The following PLEKHA5 variants were observed in gnomAD, a reference collection of about 807,000 sequenced individuals.
PLEKHA5 encodes pleckstrin homology domain-containing family A member 5.
In PLEKHA5, 55 loss-of-function variants were observed where a neutral mutation model predicts 181.9. That is an observed-to-expected ratio of 0.30 (90% CI 0.24 to 0.38). The LOEUF is 0.38. Among genes scored for constraint, PLEKHA5 ranks in the 10% least tolerant of loss-of-function variants. The pLI is 1.00. For synonymous variants in PLEKHA5, 535 were observed against 529.4 expected (o/e 1.01, Z -0.15); for missense variants, 1,432 against 1,549.5 (o/e 0.92, Z 1.27).
At chr12:19,287,585 T>C (rs1283798513) in intron 13 of PLEKHA5, 29 bp downstream of exon 13, 2 of 1,228,588 alleles carry the variant, frequency 1.6e-6, no homozygotes, top group Admixed American at 3.7e-5. Context: ...TACCATACCA[T>C]GTTTTATTTA....
At chr12:19,272,974 T>A (rs2073427542) in intron 10 of PLEKHA5, among the ~76,000 whole-genome samples, 2 of 152,188 alleles carry the variant, frequency 1.3e-5, no homozygotes, top group Admixed American at 1.3e-4. Context: ...TGGCACGATC[T>A]CAGCTCACTC....
intron 22 of PLEKHA5, among the ~76,000 whole-genome samples, chr12:19,345,256 C>G (rs1302149634): frequency 6.6e-6 from 1 of 151,490 alleles, no homozygotes; most frequent in Non-Finnish European, 1.5e-5. Flanking sequence ...AAAAATTAGC[C>G]ATGCATGGTG....
chr12:19,350,126 CAGAT>C (rs750734189), intron 25 of PLEKHA5, among the ~76,000 whole-genome samples: 3 of 152,186 alleles, frequency 2.0e-5, no homozygotes, highest in South Asian at 4.1e-4. Flanking sequence ...AAAAAAATAA[CAGAT>C]AGATATATCG....
intron 3 of PLEKHA5, among the ~76,000 whole-genome samples, chr12:19,166,988 C>T (rs2044545657): frequency 6.6e-6 from 1 of 152,162 alleles, no homozygotes; most frequent in Non-Finnish European, 1.5e-5. Context: ...AACATATATT[C>T]GAGACAGATG....
chr12:19,296,674 C>T (rs574767308), intron 15 of PLEKHA5, among the ~76,000 whole-genome samples: 4 of 152,046 alleles, frequency 2.6e-5, no homozygotes, highest in African/African-American at 7.2e-5. Flanking sequence ...ACTAGATCTA[C>T]GCTAGTTTCT....
intron 15 of PLEKHA5, among the ~76,000 whole-genome samples, chr12:19,298,749 C>T (rs1032706292): frequency 3.3e-5 from 5 of 152,188 alleles, no homozygotes; most frequent in South Asian, 2.1e-4. Context: ...AAAAATGGTT[C>T]AGAATATCAG....
intron 10 of PLEKHA5, among the ~76,000 whole-genome samples, chr12:19,271,231 C>G (rs1474868817): frequency 6.6e-6 from 1 of 152,146 alleles, no homozygotes; most frequent in Non-Finnish European, 1.5e-5. Flanking sequence ...AATCTTCAGG[C>G]TGAGCATGGT....
chr12:19,254,018 T>C lies in PLEKHA5; in HGVS notation c.306T>C (p.Asn102=). Reference sequence around the variant, plus strand: ...AGGACAATTGTATTTTTGTAGTGAATGAACAGTAAGTAAAGAGTTTCATGG... The same window carrying C: ...AGGACAATTGTATTTTTGTAGTGAACGAACAGTAAGTAAAGAGTTTCATGG... ...PSQDNCIFVV[N]EQTVATMTSE... Residue 102 remains asparagine, a synonymous_variant, in exon 4 of 32, where the codon AAT becomes AAC. Coordinates refer to ENST00000429027, the MANE Select transcript of PLEKHA5 (RefSeq NM_001256470.2). 6.3e-7 allele frequency: 1 copy of C among 1,581,088 alleles called. No individual in the cohort carries two copies. Among genetic ancestry groups the C allele is most frequent in the Non-Finnish European group, 8.7e-7 (1 of 1,154,246 alleles).
chr12:19,216,243 TAGGC>T (rs1284715933), intron 3 of PLEKHA5, among the ~76,000 whole-genome samples: 3 of 152,208 alleles, frequency 2.0e-5, no homozygotes, highest in African/African-American at 7.2e-5. Context: ...TGCAGCTAAA[TAGGC>T]AGGCTTCCTT....
At chr12:19,262,835 T>C (rs4963548) in intron 7 of PLEKHA5, among the ~76,000 whole-genome samples, 131,180 of 152,052 alleles carry the variant, frequency 0.86, 58,083 homozygotes, top group Middle Eastern at 0.97. Context: ...AATTTACCTT[T>C]GTAACAAATC....
At chr12:19,343,228 A>G in intron 21 of PLEKHA5, 95 bp from the exon 22 acceptor site, 1 of 661,044 alleles carries the variant, frequency 1.5e-6, no homozygotes, top group Non-Finnish European at 2.5e-6. Context: ...TGCAATTTGC[A>G]TTTTTAGATG....
intron 3 of PLEKHA5, among the ~76,000 whole-genome samples, chr12:19,159,240 T>C (rs1173743474): frequency 6.6e-6 from 1 of 152,206 alleles, no homozygotes; most frequent in Non-Finnish European, 1.5e-5. Flanking sequence ...AGCAAACAGC[T>C]GTGCATTCCA....
intron 3 of PLEKHA5, among the ~76,000 whole-genome samples, chr12:19,155,328 G>A (rs1263622408): frequency 6.6e-6 from 1 of 152,184 alleles, no homozygotes; most frequent in Non-Finnish European, 1.5e-5. Flanking sequence ...ATATGCTTCT[G>A]AATCATGAAC....
intron 3 of PLEKHA5, among the ~76,000 whole-genome samples, chr12:19,218,019 C>T (rs1164602056): frequency 6.6e-6 from 1 of 152,160 alleles, no homozygotes; most frequent in East Asian, 1.9e-4. Flanking sequence ...GGATGACTGC[C>T]TCAAGATTGT....
intron 28 of PLEKHA5, among the ~76,000 whole-genome samples, chr12:19,361,090 C>G (rs566286620): frequency 1.4e-3 from 219 of 151,942 alleles, no homozygotes; most frequent in Non-Finnish European, 2.4e-3. Context: ...TTTTTGCATC[C>G]TAGTAGTAAA....
chr12:19,277,158 G>A (rs1435774622), intron 11 of PLEKHA5, among the ~76,000 whole-genome samples: 2 of 151,804 alleles, frequency 1.3e-5, no homozygotes, highest in Non-Finnish European at 2.9e-5. Flanking sequence ...GGTCTGGGGG[G>A]AAAAAAATGA....
At chr12:19,348,719 C>T (rs1045400876) in intron 25 of PLEKHA5, among the ~76,000 whole-genome samples, 200 bp downstream of exon 25, 10 of 152,152 alleles carry the variant, frequency 6.6e-5, no homozygotes, top group African/African-American at 2.2e-4. Context: ...TGATATATGT[C>T]ATCTCAGCTA....
At chr12:19,181,607 TC>T (rs1392959183) in intron 3 of PLEKHA5, among the ~76,000 whole-genome samples, 1 of 152,146 alleles carries the variant, frequency 6.6e-6, no homozygotes, top group East Asian at 1.9e-4. Flanking sequence ...AAACCCCGTC[TC>T]TACTAAAAAT....
intron 3 of PLEKHA5, among the ~76,000 whole-genome samples, chr12:19,145,426 A>G (rs2038669079): frequency 6.6e-6 from 1 of 152,142 alleles, no homozygotes; most frequent in African/African-American, 2.4e-5. Flanking sequence ...CCAAGAAGTT[A>G]TAAGTATCAG....
Sources: gnomAD v4.1 joint callset for allele counts (sites outside exome capture counted in the v4.1 genomes callset) on GRCh38, gnomAD v4.1.1 for gene constraint, MANE v1.5 for transcripts, NCBI Gene and HGNC (gene_info 2026-07-23, HGNC 2026-07-21) for gene names.